The following CACNG7 variants were observed in gnomAD, a reference collection of about 807,000 sequenced individuals.
The protein encoded by CACNG7 is calcium voltage-gated channel auxiliary subunit gamma 7.
CACNG7 carries 9 observed loss-of-function variants against 26.3 expected under a neutral mutation model. That is an observed-to-expected ratio of 0.34 (90% CI 0.21 to 0.60). The LOEUF (loss-of-function observed/expected upper bound fraction) is 0.60. CACNG7 is among the 20% of genes least tolerant of loss of function. The pLI, the probability that CACNG7 is intolerant of heterozygous loss-of-function variation, is 0.81. For missense variants in CACNG7, 297 were observed against 380.4 expected (o/e 0.78, Z 1.82); for synonymous variants, 170 against 157.0 (o/e 1.08, Z -0.62).
chr19:53,936,477 G>T (rs2069106008), intron 4 of CACNG7, among the ~76,000 whole-genome samples: 1 of 152,190 alleles, frequency 6.6e-6, no homozygotes, highest in Non-Finnish European at 1.5e-5. Context: ...TTGCAGAATG[G>T]TGTTTTCTTC....
chr19:53,910,689 C>G (rs80169447), intron 1 of CACNG7, among the ~76,000 whole-genome samples: 2 of 151,920 alleles, frequency 1.3e-5, no homozygotes, highest in African/African-American at 2.4e-5. Context: ...GGGGGAGAAT[C>G]GTGGGTAAGG....
In CACNG7 at chr19:53,942,459, C is replaced by T. The variant is rs539625680; in HGVS notation, c.*166C>T. On this transcript the variant is annotated 3_prime_UTR_variant, in exon 6 of 6. Transcript: ENST00000391767. The surrounding 1 kb of genome is among the most constrained non-coding windows in gnomAD (Gnocchi z 5.9). Reference sequence around the variant, plus strand: ...CTCCCAATGGCTCCGCCCACAGACTCCCTTATTTCAATGGCCGCGCCCTCT... The same window carrying T: ...CTCCCAATGGCTCCGCCCACAGACTTCCTTATTTCAATGGCCGCGCCCTCT... 5.0e-5 allele frequency: 74 copies of T among 1,466,090 alleles called. 1 individual carries two copies. Among genetic ancestry groups the T allele is most frequent in the East Asian group, 3.1e-4 (13 of 41,582 alleles). The allele number at this position is 1,466,090 out of a possible 1,614,324, so 90.8% of individuals were successfully genotyped here.
chr19:53,919,186 G>C (rs917134786), intron 4 of CACNG7, among the ~76,000 whole-genome samples: 2 of 152,214 alleles, frequency 1.3e-5, no homozygotes, highest in African/African-American at 4.8e-5. Context: ...AAAAAAGAAG[G>C]AGATTTAAAA....
At chr19:53,927,838 CAA>C (rs74177830) in intron 4 of CACNG7, among the ~76,000 whole-genome samples, 22 of 110,516 alleles carry the variant, frequency 2.0e-4, no homozygotes, top group Admixed American at 3.2e-4. Flanking sequence ...AACTCCATCT[CAA>C]AAAAAAAAAA....
chr19:53,926,106 C>T (rs753053149), intron 4 of CACNG7, among the ~76,000 whole-genome samples: 2 of 152,194 alleles, frequency 1.3e-5, no homozygotes, highest in Admixed American at 6.5e-5. Flanking sequence ...ATGTGTAGCC[C>T]ATGTGCACTC....
At chr19:53,926,296 T>A (rs1204265612) in intron 4 of CACNG7, among the ~76,000 whole-genome samples, 4 of 152,002 alleles carry the variant, frequency 2.6e-5, no homozygotes, top group African/African-American at 9.7e-5. Flanking sequence ...CCACTAGCAC[T>A]CTCCGCATTG....
chr19:53,927,043 C>T (rs1193508994), intron 4 of CACNG7, among the ~76,000 whole-genome samples: 2 of 152,080 alleles, frequency 1.3e-5, no homozygotes, highest in East Asian at 1.9e-4. Flanking sequence ...CCTTAGCCTC[C>T]CATGTAGCTG....
At chr19:53,937,576 T>TCCCTCCCCTCCCCTC (rs149624132) in intron 4 of CACNG7, among the ~76,000 whole-genome samples, 1 of 79,950 alleles carries the variant, frequency 1.3e-5, no homozygotes, top group African/African-American at 5.3e-5. Context: ...CCCCTTCCCT[T>TCCCTCCCCTCCCCTC]CCCTCCCCTC....
In CACNG7 at chr19:53,939,824, C is replaced by T. The variant is rs1011580688; in HGVS notation, c.425-1646C>T. On this transcript the variant is annotated intron_variant, in intron 4 of 5. Coordinates refer to ENST00000391767, the MANE Select transcript of CACNG7 (RefSeq NM_031896.5). The surrounding 1 kb of genome is among the most constrained non-coding windows in gnomAD (Gnocchi z 4.2). ...GGAATTGCTGGGTCATATGATAATT[C>T]TATCTTTAACTTTTTGAGGCGCTGC... Among the ~76,000 whole-genome samples, 2 of 152,138 alleles carry T rather than the reference C, an allele frequency of 1.3e-5. No homozygotes were observed. The highest frequency in any genetic ancestry group is 2.9e-5 in the Non-Finnish European group (2 of 68,026).
chr19:53,922,023 G>T (rs1334084779), intron 4 of CACNG7, among the ~76,000 whole-genome samples: 1 of 92,464 alleles, frequency 1.1e-5, no homozygotes, highest in Admixed American at 1.0e-4. Context: ...CCCAGGTCTG[G>T]TCATTGGTGG....
At position 53,942,132 on chromosome 19, in the gene CACNG7, G is replaced by A. The variant is rs756033881; in HGVS notation, c.667G>A (p.Asp223Asn). The A allele has an allele frequency of 3.1e-5, 50 of 1,613,886 alleles. 2 individuals are homozygous for A. In the South Asian group the frequency reaches 5.4e-4, roughly 17 times the overall value. The change falls in exon 6 of 6, where the codon GAC (aspartate) becomes AAC (asparagine). Residue 223 changes from aspartate to asparagine, a missense_variant. By Grantham distance (23) the Asp-to-Asn change is conservative. Coordinates refer to ENST00000391767, the MANE Select transcript of CACNG7 (RefSeq NM_031896.5). The surrounding 1 kb of genome is among the most constrained non-coding windows in gnomAD (Gnocchi z 5.9). ...HPAFYRPRLS[D>N]CSDYSGQFLQ... is the part of the protein sequence containing the mutation. Reference sequence around the variant, plus strand: ...GGCCTTCTACCGCCCGCGTCTCAGCGACTGCTCCGACTACTCGGGCCAGTT... The same window carrying A: ...GGCCTTCTACCGCCCGCGTCTCAGCAACTGCTCCGACTACTCGGGCCAGTT...
chr19:53,936,856 A>G (rs2069108199), intron 4 of CACNG7, among the ~76,000 whole-genome samples: 1 of 151,936 alleles, frequency 6.6e-6, no homozygotes, highest in Non-Finnish European at 1.5e-5. Flanking sequence ...TGATCTGCCC[A>G]CCTTGGCCTC....
intron 4 of CACNG7, among the ~76,000 whole-genome samples, chr19:53,930,365 C>T (rs1052216852): frequency 1.3e-5 from 2 of 151,888 alleles, no homozygotes; most frequent in African/African-American, 2.4e-5. Context: ...GGCACCACTA[C>T]GCCAGGCTAA....
chr19:53,929,976 A>T (rs894251574), intron 4 of CACNG7, among the ~76,000 whole-genome samples: 2 of 151,616 alleles, frequency 1.3e-5, no homozygotes, highest in African/African-American at 4.9e-5. Flanking sequence ...ACTTGTTTCT[A>T]GCATCATGGA....
At position 53,943,731 on chromosome 19, in the gene CACNG7, G is replaced by A. The variant is rs925210347; in HGVS notation, c.*1438G>A. On this transcript the variant is annotated 3_prime_UTR_variant, in exon 6 of 6. Coordinates refer to ENST00000391767, the MANE Select transcript of CACNG7 (RefSeq NM_031896.5). Reference sequence around the variant, plus strand: ...ATTTCAAACACGTCTCCGCCTGCCCGGAGGGAAGGGATTGGATAGAGGGGG... The same window carrying A: ...ATTTCAAACACGTCTCCGCCTGCCCAGAGGGAAGGGATTGGATAGAGGGGG... The A allele has an allele frequency of 6.6e-6, 1 of 152,220 alleles. No individual in the cohort carries two copies. The highest frequency in any genetic ancestry group is 1.9e-4 in the East Asian group (1 of 5,166). The allele number at this position is 152,220 out of a possible 1,614,324, so 9.4% of individuals were successfully genotyped here.
chr19:53,921,613 GT>G (rs1375131830), intron 4 of CACNG7, among the ~76,000 whole-genome samples: 3 of 88,484 alleles, frequency 3.4e-5, no homozygotes, highest in African/African-American at 7.4e-5. Flanking sequence ...TCGTCCCCAG[GT>G]CTGGTCATTG....
In CACNG7 at chr19:53,941,565, C is replaced by T. The variant is rs761350470; in HGVS notation, c.520C>T (p.Arg174Cys). Residue 174 changes from arginine to cysteine, a missense_variant, in exon 5 of 6, where the codon CGC (arginine) becomes TGC (cysteine). By Grantham distance (180) the Arg-to-Cys change is radical (BLOSUM62 -3). Transcript: ENST00000391767. Reference protein sequence around the residue: ...PSSSEQYFHYRYGWSFAFAAS... With the variant: ...PSSSEQYFHYCYGWSFAFAAS... ...CAGCTCTGAGCAGTATTTTCATTATCGCTACGGGTGGTCTTTTGCCTTCGC... is the reference window on the plus strand; with the variant it reads ...CAGCTCTGAGCAGTATTTTCATTATTGCTACGGGTGGTCTTTTGCCTTCGC... 12 of 1,611,212 alleles carry T rather than the reference C, an allele frequency of 7.4e-6. No homozygotes were observed. The highest frequency in any genetic ancestry group is 1.0e-5 in the Non-Finnish European group (12 of 1,179,036).
At chr19:53,931,903 A>G (rs2069075384) in intron 4 of CACNG7, among the ~76,000 whole-genome samples, 1 of 149,986 alleles carries the variant, frequency 6.7e-6, no homozygotes, top group Non-Finnish European at 1.5e-5. Flanking sequence ...CTGGGACTAC[A>G]GGCGGCCACC....
At chr19:53,922,474 C>A (rs868017629) in intron 4 of CACNG7, among the ~76,000 whole-genome samples, 1 of 90,474 alleles carries the variant, frequency 1.1e-5, no homozygotes, top group Non-Finnish European at 2.2e-5. Context: ...GGTGGAGTTG[C>A]CCCAGGTCTG....
Sources: gnomAD v4.1 joint callset for allele counts (sites outside exome capture counted in the v4.1 genomes callset) on GRCh38, gnomAD v4.1.1 for gene constraint, Gnocchi (gnomAD v3.1) non-coding constraint, MANE v1.5 for transcripts, NCBI Gene and HGNC (gene_info 2026-07-23, HGNC 2026-07-21) for gene names.